FAXC: variants seen among roughly 807,000 people sequenced by gnomAD.
The protein encoded by FAXC is failed axon connections homolog.
In FAXC, 10 loss-of-function variants were observed where a neutral mutation model predicts 41.9. The observed-to-expected ratio is 0.24, with a 90% confidence interval of 0.15 to 0.41. The LOEUF (loss-of-function observed/expected upper bound fraction) is 0.41, where lower values mean the gene tolerates loss of function less well. Among genes scored for constraint, FAXC ranks in the 10% least tolerant of loss-of-function variants. The probability of loss-of-function intolerance (pLI) is 1.00; values close to 1 mark genes in which losing one functional copy is unlikely to be tolerated. For missense variants in FAXC, 399 were observed against 510.9 expected (o/e 0.78, Z 2.11); for synonymous variants, 183 against 183.8 (o/e 1.00, Z 0.03).
At chr6:99,341,170 A>C (rs1164376039) in intron 2 of FAXC, among the ~76,000 whole-genome samples, 2 of 150,262 alleles carry the variant, frequency 1.3e-5, no homozygotes, top group Non-Finnish European at 3.0e-5. Flanking sequence ...AACAACAAAA[A>C]TATAATTTGT....
At chr6:99,299,569 C>A (rs930131616) in intron 4 of FAXC, among the ~76,000 whole-genome samples, 4 of 152,172 alleles carry the variant, frequency 2.6e-5, no homozygotes, top group Non-Finnish European at 5.9e-5. Flanking sequence ...TCTCACCTTT[C>A]ATTAACTAGA....
rs759234402 is a variant in FAXC at position 99,281,220 on chromosome 6, G to C, written c.1174C>G (p.Leu392Val). ...TCCATGTCCACATCCGAATCAAAGA[G>C]TGAGTGTCCAGTAAAATCTGTGTCT... ...TPDTDFTGHS[L>V]FDSDVDMDDY... Residue 392 changes from leucine to valine, a missense_variant, in exon 6 of 6, where the codon CTC (leucine) becomes GTC (valine). Coordinates refer to ENST00000389677, the MANE Select transcript of FAXC (RefSeq NM_032511.4). 1.2e-5 allele frequency: 19 copies of C among 1,601,572 alleles called. No homozygotes were observed. Among genetic ancestry groups the C allele is most frequent in the Non-Finnish European group, 1.6e-5 (19 of 1,168,502 alleles).
At chr6:99,287,446 A>G (rs12191915) in intron 5 of FAXC, among the ~76,000 whole-genome samples, 7,032 of 152,248 alleles carry the variant, frequency 0.046, 198 homozygotes, top group Non-Finnish European at 0.06. Flanking sequence ...TTATATGTCT[A>G]TCTAGATAGA....
At chr6:99,285,171 A>G (rs986760135) in intron 5 of FAXC, among the ~76,000 whole-genome samples, 1 of 152,196 alleles carries the variant, frequency 6.6e-6, no homozygotes, top group African/African-American at 2.4e-5. Flanking sequence ...AAATGTGCAT[A>G]TCTCTTGGCC....
At chr6:99,308,752 A>G (rs1486287716) in intron 4 of FAXC, among the ~76,000 whole-genome samples, 2 of 152,246 alleles carry the variant, frequency 1.3e-5, no homozygotes, top group African/African-American at 4.8e-5. Context: ...TTTGCTTTTA[A>G]AAAATAAACA....
At chr6:99,307,182 T>G (rs1045820338) in intron 4 of FAXC, among the ~76,000 whole-genome samples, 2 of 152,160 alleles carry the variant, frequency 1.3e-5, no homozygotes, top group South Asian at 2.1e-4. Flanking sequence ...AGCCAACTAG[T>G]AGCAGGTCTG....
rs1174982279 is a variant in FAXC at position 99,315,232 on chromosome 6, T to TA, written c.823+8211dup. Among the ~76,000 whole-genome samples the TA allele has an allele frequency of 2.7e-3, 111 of 40,506 alleles. 3 individuals carry two copies. The highest frequency in any genetic ancestry group is 3.6e-3 in the African/African-American group (26 of 7,128). 26.6% of individuals were successfully genotyped at this position (40,506 alleles called of 152,430 possible). A position where few individuals can be genotyped will look rare whatever the true frequency, so the allele number is the denominator to read the frequency against. On this transcript the variant is annotated intron_variant, in intron 4 of 5. Transcript: ENST00000389677. ...TGGGCAACTGAGCAACACTCCATCT[T>TA]AAAAAAAAAAAAAAAAAAAAAAAAA...
At chr6:99,318,298 C>CAAAAAA (rs1455877348) in intron 4 of FAXC, among the ~76,000 whole-genome samples, 6 of 137,762 alleles carry the variant, frequency 4.4e-5, no homozygotes, top group Non-Finnish European at 6.4e-5. Context: ...CACACACACA[C>CAAAAAA]ACACACACAA....
intron 1 of FAXC, among the ~76,000 whole-genome samples, chr6:99,347,448 G>A (rs1277820397): frequency 6.6e-6 from 1 of 151,600 alleles, no homozygotes; most frequent in East Asian, 1.9e-4. Flanking sequence ...ATCAACCTAG[G>A]ATTAAACTCC....
At position 99,297,794 on chromosome 6, in the gene FAXC, T is replaced by C. The variant is rs369443103; in HGVS notation, c.824-5974A>G. ...AACTCCGGCTATCTAAGCCTGACCTTTCCATTAGGACTCAGACCAAGTCCT... is the reference window on the plus strand; with the variant it reads ...AACTCCGGCTATCTAAGCCTGACCTCTCCATTAGGACTCAGACCAAGTCCT... On this transcript the variant is annotated intron_variant, in intron 4 of 5. Transcript: ENST00000389677. Among the ~76,000 whole-genome samples the C allele has an allele frequency of 1.1e-4, 16 of 152,250 alleles. No homozygotes were observed. In the East Asian group the frequency reaches 2.1e-3, roughly 20 times the overall value.
chr6:99,315,725 T>G (rs1174580800), intron 4 of FAXC, among the ~76,000 whole-genome samples: 2 of 152,206 alleles, frequency 1.3e-5, no homozygotes, highest in African/African-American at 4.8e-5. Context: ...AATTTTTTGC[T>G]CAGAAAGCAC....
At chr6:99,315,964 T>C (rs2128457843) in intron 4 of FAXC, among the ~76,000 whole-genome samples, 1 of 152,356 alleles carries the variant, frequency 6.6e-6, no homozygotes, top group South Asian at 2.1e-4. Context: ...ATGAGATAGC[T>C]GCTGTATCAC....
At chr6:99,320,789 A>C (rs1772556881) in intron 4 of FAXC, among the ~76,000 whole-genome samples, 1 of 152,062 alleles carries the variant, frequency 6.6e-6, no homozygotes, top group Non-Finnish European at 1.5e-5. Flanking sequence ...CTTCACTGGG[A>C]CAACTCTTTT....
At chr6:99,293,686 GTGTGTGTGTGTGTGTGTGTGTGTGTGTC>G (rs1771338304) in intron 4 of FAXC, among the ~76,000 whole-genome samples, 3 of 136,934 alleles carry the variant, frequency 2.2e-5, no homozygotes, top group African/African-American at 5.4e-5. Context: ...GTGTGTGTGT[GTGTGTGTGTGTGTGTGTGTGTGTGTGTC>G]TGTGTGTGTG....
At position 99,281,309 on chromosome 6, in the gene FAXC, C is replaced by A; in HGVS notation, c.1085G>T (p.Ser362Ile). Residue 362 changes from serine (S) to isoleucine (I), a missense_variant, in exon 6 of 6, where the codon AGC (serine) becomes ATC (isoleucine). Ser to Ile is a moderately radical substitution (Grantham distance 142). Coordinates refer to ENST00000389677, the MANE Select transcript of FAXC (RefSeq NM_032511.4). ...SKTHTPLLDF[S>I]FYSRTETFED... ...AAAGGTCTCTGTCCTTGAGTAAAAG[C>A]TAAAATCCAGCAGCGGGGTGTGGGT... is the stretch of plus-strand genomic sequence containing the variant. 6.2e-7 allele frequency: 1 copy of A among 1,614,180 alleles called. No individual in the cohort carries two copies. The highest frequency in any genetic ancestry group is 8.5e-7 in the Non-Finnish European group (1 of 1,180,014).
At chr6:99,293,330 C>T (rs1232242529) in intron 4 of FAXC, among the ~76,000 whole-genome samples, 1 of 152,162 alleles carries the variant, frequency 6.6e-6, no homozygotes, top group Non-Finnish European at 1.5e-5. Flanking sequence ...TACACCTTTG[C>T]TCATGCTGTG....
intron 1 of FAXC, among the ~76,000 whole-genome samples, chr6:99,343,961 T>G (rs982997667): frequency 6.6e-6 from 1 of 152,176 alleles, no homozygotes; most frequent in South Asian, 2.1e-4. Context: ...GCTACTCTTT[T>G]GGGTGAGAAG....
intron 4 of FAXC, among the ~76,000 whole-genome samples, chr6:99,293,704 G>GTC (rs1317786275): frequency 3.9e-5 from 4 of 101,916 alleles, no homozygotes; most frequent in African/African-American, 6.9e-5. Context: ...GTGTGTGTGT[G>GTC]TGTGTGTGTC....
intron 2 of FAXC, among the ~76,000 whole-genome samples, chr6:99,333,790 T>C (rs1447747518): frequency 2.6e-5 from 4 of 151,434 alleles, no homozygotes; most frequent in African/African-American, 9.7e-5. Context: ...TGGCTTATGA[T>C]GGAAAAGGAA....
Sources: allele counts gnomAD v4.1 joint callset (sites outside exome capture counted in the v4.1 genomes callset), GRCh38; gene constraint gnomAD v4.1.1; transcripts MANE v1.5; gene names NCBI Gene and HGNC (gene_info 2026-07-23, HGNC 2026-07-21).